KLHL1: variants seen among roughly 807,000 people sequenced by gnomAD.
KLHL1 encodes the protein kelch-like protein 1.
In KLHL1, 47 loss-of-function variants were observed where a neutral mutation model predicts 77.7. That is an observed-to-expected ratio of 0.60 (90% CI 0.48 to 0.77). The LOEUF (loss-of-function observed/expected upper bound fraction) is 0.77. KLHL1 is among the 30% of genes least tolerant of loss of function. The pLI, the probability that KLHL1 is intolerant of heterozygous loss-of-function variation, is 0.00. For missense variants in KLHL1, 925 were observed against 910.8 expected, an observed-to-expected ratio of 1.02 and a Z score of -0.20; for synonymous variants, 360 against 325.2, an observed-to-expected ratio of 1.11 and a Z score of -1.15.
chr13:70,064,878 A>C (rs529132180), intron 1 of KLHL1, among the ~76,000 whole-genome samples: 1 of 152,280 alleles, frequency 6.6e-6, no homozygotes, highest in African/African-American at 2.4e-5. Flanking sequence ...ACTAATGTGT[A>C]CATGTATGAA....
At chr13:69,942,355 CTAAT>C (rs571792207) in intron 3 of KLHL1, among the ~76,000 whole-genome samples, 1 of 151,950 alleles carries the variant, frequency 6.6e-6, no homozygotes, top group East Asian at 1.9e-4. Flanking sequence ...TTATCTAACT[CTAAT>C]TATGCTGTTA....
At chr13:69,978,999 A>G (rs1884630196) in intron 1 of KLHL1, among the ~76,000 whole-genome samples, 1 of 152,114 alleles carries the variant, frequency 6.6e-6, no homozygotes, top group Admixed American at 6.6e-5. Flanking sequence ...ATAGTATTTG[A>G]AAAGAGTTAT....
At chr13:69,965,430 A>G (rs893265251) in intron 2 of KLHL1, among the ~76,000 whole-genome samples, 1 of 152,150 alleles carries the variant, frequency 6.6e-6, no homozygotes, top group Non-Finnish European at 1.5e-5. Context: ...TAAACTCAGT[A>G]AGTATAGTTC....
chr13:69,809,092 C>T (rs1052457137), intron 6 of KLHL1, among the ~76,000 whole-genome samples: 6 of 152,024 alleles, frequency 3.9e-5, no homozygotes, highest in Non-Finnish European at 5.9e-5. Context: ...ATGATATTAG[C>T]GTACCTGGGA....
intron 5 of KLHL1, among the ~76,000 whole-genome samples, chr13:69,862,699 T>TATGGGTGAGGCCC (rs72342329): frequency 0.32 from 48,282 of 151,802 alleles, 8,166 homozygotes; most frequent in African/African-American, 0.44. Context: ...AAATGAGGTA[T>TATGGGTGAGGCCC]TAATGCAATA....
intron 4 of KLHL1, among the ~76,000 whole-genome samples, chr13:69,936,794 A>C (rs1593966024): frequency 1.3e-5 from 2 of 152,098 alleles, no homozygotes; most frequent in Non-Finnish European, 2.9e-5. Flanking sequence ...CCTTCATTTC[A>C]ACATGAATTT....
Position 69,890,130 on chromosome 13 carries a change from A to T in KLHL1, c.1015-7635T>A, listed in dbSNP as rs112579383. On this transcript the variant is annotated intron_variant, in intron 4 of 10. Coordinates refer to ENST00000377844, the MANE Select transcript of KLHL1 (RefSeq NM_020866.3). The stretch of plus-strand genomic sequence containing the variant: ...CAGTATAGTATTATAAAATAATTAC[A>T]TTCATTTTATAATAAGAAGAAAAAT... Among the ~76,000 whole-genome samples the T allele has an allele frequency of 6.2e-3, 951 of 152,174 alleles. 12 individuals are homozygous for T. The highest frequency in any genetic ancestry group is 0.021 in the African/African-American group (893 of 41,572).
At chr13:70,068,907 G>T (rs1311940138) in intron 1 of KLHL1, among the ~76,000 whole-genome samples, 3 of 152,058 alleles carry the variant, frequency 2.0e-5, no homozygotes, top group Non-Finnish European at 4.4e-5. Flanking sequence ...GCCCTACAAG[G>T]TTCTTACTGT....
chr13:69,752,238 G>T (rs945187732), intron 7 of KLHL1, among the ~76,000 whole-genome samples: 4 of 152,076 alleles, frequency 2.6e-5, no homozygotes, highest in Non-Finnish European at 5.9e-5. Flanking sequence ...TATCACTGTA[G>T]AGATACGAGA....
chr13:69,900,514 T>C (rs568066136), intron 4 of KLHL1, among the ~76,000 whole-genome samples: 1 of 152,322 alleles, frequency 6.6e-6, no homozygotes, highest in African/African-American at 2.4e-5. Context: ...CTTACGAATA[T>C]GTGCTTTGTT....
chr13:69,830,041 T>TG (rs137901115), intron 6 of KLHL1, among the ~76,000 whole-genome samples: 3 of 147,922 alleles, frequency 2.0e-5, no homozygotes, highest in African/African-American at 7.7e-5. Flanking sequence ...AATAATACAG[T>TG]GGGAAAAAAA....
intron 7 of KLHL1, among the ~76,000 whole-genome samples, chr13:69,753,832 G>T (rs199696586): frequency 6.6e-6 from 1 of 151,198 alleles, no homozygotes; most frequent in African/African-American, 2.4e-5. Context: ...TAATGGCATA[G>T]AAATAATTGA....
chr13:69,778,668 T>C (rs1875959110), intron 7 of KLHL1, among the ~76,000 whole-genome samples: 1 of 151,946 alleles, frequency 6.6e-6, no homozygotes, highest in Admixed American at 6.6e-5. Context: ...GATTAGTGAA[T>C]AAGAAACAAG....
At chr13:69,878,943 C>T (rs1354228301) in intron 5 of KLHL1, among the ~76,000 whole-genome samples, 1 of 152,044 alleles carries the variant, frequency 6.6e-6, no homozygotes, top group Non-Finnish European at 1.5e-5. Context: ...GAGTTCATGT[C>T]CTTTGTAGGG....
intron 4 of KLHL1, among the ~76,000 whole-genome samples, chr13:69,898,342 C>T (rs181737848): frequency 7.9e-4 from 120 of 152,276 alleles, no homozygotes; most frequent in Non-Finnish European, 1.0e-4. Flanking sequence ...AGTTCCTGTG[C>T]ACCCCAGAGG....
rs1006568562 is a variant in KLHL1 at position 69,879,924 on chromosome 13, C to A, written c.1227+2359G>T. On this transcript the variant is annotated intron_variant, in intron 5 of 10. Coordinates refer to ENST00000377844, the MANE Select transcript of KLHL1 (RefSeq NM_020866.3). ...TTGTAGAAATTAAATGAGATAAAAT[C>A]GTTTGGTAACTAAAGAAATAAATGA... 2.0e-5 allele frequency among the ~76,000 whole-genome samples: 3 copies of A among 152,098 alleles called. No homozygotes were observed. The East Asian group carries it at 5.8e-4, about 29-fold the overall frequency.
chr13:69,930,752 GAA>G (rs1326970055), intron 4 of KLHL1, among the ~76,000 whole-genome samples: 1 of 151,706 alleles, frequency 6.6e-6, no homozygotes, highest in African/African-American at 2.4e-5. Flanking sequence ...ATGATCTGTG[GAA>G]AGTGTGGATT....
intron 9 of KLHL1, 21 bp from the exon 10 acceptor site, chr13:69,707,817 T>A: frequency 1.3e-6 from 2 of 1,591,372 alleles, no homozygotes; most frequent in Middle Eastern, 1.7e-4. Context: ...ATGACAATAG[T>A]ACATAACATA....
intron 3 of KLHL1, among the ~76,000 whole-genome samples, chr13:69,940,972 T>C (rs890208241): frequency 2.0e-4 from 30 of 152,098 alleles, no homozygotes; most frequent in African/African-American, 7.2e-4. Context: ...ATGAGTTAGA[T>C]GATTTTATTA....
Sources: gnomAD v4.1 joint callset for allele counts (sites outside exome capture counted in the v4.1 genomes callset) on GRCh38, gnomAD v4.1.1 for gene constraint, MANE v1.5 for transcripts, NCBI Gene and HGNC (gene_info 2026-07-23, HGNC 2026-07-21) for gene names.